Variants in SPRY3 observed in about 807,000 individuals in gnomAD.
The protein encoded by SPRY3 is sprouty RTK signaling antagonist 3.
A neutral mutation model predicts 20.2 loss-of-function variants in SPRY3; 15 were observed. That is an observed-to-expected ratio of 0.74 (90% CI 0.50 to 1.14). The LOEUF is 1.14. Ranked by LOEUF, SPRY3 falls within the 50% of genes most tolerant of loss-of-function variation. The pLI is 0.00. For synonymous variants in SPRY3, 143 were observed against 136.5 expected (o/e 1.05, Z -0.33); for missense variants, 364 against 363.9 (o/e 1.00, Z 0.00).
chrX:155,748,996 G>T (rs777091442), intron 2 of SPRY3, among the ~76,000 whole-genome samples: 10 of 151,860 alleles, frequency 6.6e-5, no homozygotes, highest in African/African-American at 2.4e-4. Flanking sequence ...AATGGTTAAA[G>T]AAATAGTATG....
intron 2 of SPRY3, among the ~76,000 whole-genome samples, chrX:155,744,664 C>T (rs1257550469): frequency 1.3e-5 from 2 of 151,964 alleles, no homozygotes; most frequent in Non-Finnish European, 2.9e-5. Context: ...ACCCAGGACA[C>T]TAAAGTCAGA....
chrX:155,706,023 C>T (rs1251361281), intron 2 of SPRY3, among the ~76,000 whole-genome samples: 2 of 151,272 alleles, frequency 1.3e-5, no homozygotes, highest in Non-Finnish European at 3.0e-5. Context: ...AACTAATTGA[C>T]ATTTATAAAA....
chrX:155,758,553 A>C (rs2091291973), intron 2 of SPRY3, among the ~76,000 whole-genome samples: 1 of 152,218 alleles, frequency 6.6e-6, no homozygotes, highest in Admixed American at 6.5e-5. Context: ...TCCACAGATC[A>C]GCTTTTTATC....
chrX:155,726,321 G>T (rs1433844737), intron 2 of SPRY3, among the ~76,000 whole-genome samples: 1 of 152,158 alleles, frequency 6.6e-6, no homozygotes, highest in African/African-American at 2.4e-5. Flanking sequence ...GAGTTCTGTA[G>T]ATGTCTATTA....
At chrX:155,630,577 C>A (rs2067902846) in intron 1 of SPRY3, among the ~76,000 whole-genome samples, 1 of 111,609 alleles carries the variant, frequency 9.0e-6, no homozygotes, top group African/African-American at 3.3e-5. Context: ...TACAAGGTTT[C>A]TTCTGAGAAG....
intron 3 of SPRY3, among the ~76,000 whole-genome samples, chrX:155,770,985 A>G (rs1016826171): frequency 9.2e-5 from 14 of 152,134 alleles, no homozygotes; most frequent in African/African-American, 3.1e-4. Flanking sequence ...CACTTACTGC[A>G]GGTCTCCCAC....
rs186373257 is a variant in SPRY3 at position 155,759,721 on chromosome X, T to C, written c.-281-8241T>C. On this transcript the variant is annotated intron_variant, in intron 2 of 3. Transcript: ENST00000675360. ...TCATGTAAATTATATTACCATATGATGACGGCAAAAATAGAAGTATGTTTA... is the reference window on the plus strand; with the variant it reads ...TCATGTAAATTATATTACCATATGACGACGGCAAAAATAGAAGTATGTTTA... Among the ~76,000 whole-genome samples the C allele has an allele frequency of 1.4e-4, 22 of 152,322 alleles. No individual in the cohort carries two copies. The East Asian group carries it at 3.9e-3, about 27-fold the overall frequency.
chrX:155,656,618 T>C (rs2067993076), intron 1 of SPRY3, among the ~76,000 whole-genome samples: 1 of 111,234 alleles, frequency 9.0e-6, no homozygotes, highest in Non-Finnish European at 1.9e-5. Flanking sequence ...ACTCATTCTC[T>C]GTCCAGTTTT....
intron 2 of SPRY3, among the ~76,000 whole-genome samples, chrX:155,742,975 G>A (rs2091210393): frequency 6.6e-6 from 1 of 151,974 alleles, no homozygotes; most frequent in South Asian, 2.1e-4. Flanking sequence ...CAGCATCAGA[G>A]TAGAATTGAA....
At chrX:155,714,786 C>T (rs777992194) in intron 2 of SPRY3, among the ~76,000 whole-genome samples, 1 of 152,210 alleles carries the variant, frequency 6.6e-6, no homozygotes, top group East Asian at 1.9e-4. Context: ...GGCACTCAAA[C>T]CACAATACAA....
chrX:155,634,551 G>C (rs2067917428), intron 1 of SPRY3, among the ~76,000 whole-genome samples: 1 of 111,979 alleles, frequency 8.9e-6, no homozygotes, highest in Admixed American at 9.5e-5. Flanking sequence ...TTAGGCTGCT[G>C]AAGATCCAGT....
intron 2 of SPRY3, among the ~76,000 whole-genome samples, chrX:155,738,054 T>G (rs980586107): frequency 6.6e-6 from 1 of 152,076 alleles, no homozygotes; most frequent in Admixed American, 6.6e-5. Context: ...GCAAAATAGA[T>G]CATGGATTTA....
At chrX:155,708,473 G>A (rs987140673) in intron 2 of SPRY3, among the ~76,000 whole-genome samples, 1 of 151,252 alleles carries the variant, frequency 6.6e-6, no homozygotes. Context: ...ATCTTGACTA[G>A]GATGTGTCCA....
chrX:155,768,686 A>G (rs2091362777), intron 3 of SPRY3, among the ~76,000 whole-genome samples: 1 of 152,160 alleles, frequency 6.6e-6, no homozygotes, highest in Admixed American at 6.5e-5. Flanking sequence ...GCAGTGATTT[A>G]GAAATCTCTG....
intron 2 of SPRY3, among the ~76,000 whole-genome samples, chrX:155,666,241 G>C (rs950303514): frequency 9.0e-6 from 1 of 111,582 alleles, no homozygotes; most frequent in Admixed American, 9.5e-5. Flanking sequence ...AGGGAGCCAG[G>C]TCATGCAAGT....
chrX:155,751,153 G>C (rs1343799713), intron 2 of SPRY3, among the ~76,000 whole-genome samples: 7 of 151,862 alleles, frequency 4.6e-5, no homozygotes, highest in Admixed American at 4.6e-4. Context: ...GACAGGAAAA[G>C]ATGGCTTGAA....
At chrX:155,647,469 C>G (rs2124541729) in intron 1 of SPRY3, among the ~76,000 whole-genome samples, 1 of 110,162 alleles carries the variant, frequency 9.1e-6, no homozygotes, top group Admixed American at 9.7e-5. Flanking sequence ...CCCCCACCCC[C>G]TGACAGGCCC....
At chrX:155,703,812 G>A (rs76445529) in intron 2 of SPRY3, among the ~76,000 whole-genome samples, 386 of 151,546 alleles carry the variant, frequency 2.5e-3, no homozygotes, top group African/African-American at 9.0e-3. Flanking sequence ...TCTGGTATGT[G>A]GTGTCTTTGT....
chrX:155,755,052 A>T (rs1377494978), intron 2 of SPRY3, among the ~76,000 whole-genome samples: 1 of 143,478 alleles, frequency 7.0e-6, no homozygotes, highest in African/African-American at 3.0e-5. Context: ...TTTTGTGTGC[A>T]TACTCACACG....
Sources: gnomAD v4.1 joint callset for allele counts (sites outside exome capture counted in the v4.1 genomes callset) on GRCh38, gnomAD v4.1.1 for gene constraint, MANE v1.5 for transcripts, NCBI Gene and HGNC (gene_info 2026-07-23, HGNC 2026-07-21) for gene names.